EPB41L3: variants seen among roughly 807,000 people sequenced by gnomAD.
EPB41L3 encodes the protein erythrocyte membrane protein band 4.1 like 3.
EPB41L3 carries 57 observed loss-of-function variants against 127.1 expected under a neutral mutation model. The observed-to-expected ratio is 0.45, with a 90% confidence interval of 0.36 to 0.56. EPB41L3 has a LOEUF of 0.56. Ranked by LOEUF, EPB41L3 falls within the 20% of genes least tolerant of loss-of-function variation. EPB41L3 has a pLI of 0.00. For missense variants in EPB41L3, 1,273 were observed against 1,372.2 expected, an observed-to-expected ratio of 0.93 and a Z score of 1.14; for synonymous variants, 572 against 549.5, an observed-to-expected ratio of 1.04 and a Z score of -0.57.
At chr18:5,488,899 T>C in intron 2 of EPB41L3, 102 bp downstream of exon 2, 1 of 1,266,648 alleles carries the variant, frequency 7.9e-7, no homozygotes, top group Non-Finnish European at 1.1e-6. Context: ...GAACAGCAGA[T>C]GACCCCTCAT....
At chr18:5,421,436 T>G (rs2077462421) in intron 11 of EPB41L3, among the ~76,000 whole-genome samples, 1 of 152,188 alleles carries the variant, frequency 6.6e-6, no homozygotes, top group Non-Finnish European at 1.5e-5. Flanking sequence ...AATGTTAACA[T>G]CGATATTTCA....
chr18:5,502,338 T>TC (rs1480522406), intron 1 of EPB41L3, among the ~76,000 whole-genome samples: 1 of 152,026 alleles, frequency 6.6e-6, no homozygotes, highest in African/African-American at 2.4e-5. Context: ...GAAATGCAGT[T>TC]CATCTTTTAA....
intron 5 of EPB41L3, among the ~76,000 whole-genome samples, chr18:5,442,329 C>T (rs1243147678): frequency 1.3e-5 from 2 of 152,078 alleles, no homozygotes; most frequent in Non-Finnish European, 2.9e-5. Context: ...AATTTGTTAT[C>T]AAGTTTCTGG....
At chr18:5,509,557 C>T (rs1380292792) in intron 1 of EPB41L3, among the ~76,000 whole-genome samples, 1 of 152,110 alleles carries the variant, frequency 6.6e-6, no homozygotes, top group Non-Finnish European at 1.5e-5. Flanking sequence ...GTCAGCTAGC[C>T]CCAAACTGCA....
At chr18:5,577,549 C>T (rs552288739) in intron 3 of EPB41L3, 49 of 311,972 alleles carry the variant, frequency 1.6e-4, no homozygotes, top group Non-Finnish European at 2.6e-4. Context: ...AAAATCAAGC[C>T]GGGGCAGGAA....
chr18:5,549,445 T>C (rs1030653319), intron 3 of EPB41L3, among the ~76,000 whole-genome samples: 7 of 152,180 alleles, frequency 4.6e-5, no homozygotes, highest in African/African-American at 1.4e-4. Flanking sequence ...ATGCAAGATG[T>C]TTATTAGGGA....
chr18:5,591,056 A>T (rs866405174), intron 3 of EPB41L3, among the ~76,000 whole-genome samples: 2 of 152,236 alleles, frequency 1.3e-5, no homozygotes, highest in African/African-American at 4.8e-5. Flanking sequence ...ACTATATTTT[A>T]AAAATAAAAT....
At chr18:5,411,238 G>A (rs1021901950) in intron 13 of EPB41L3, among the ~76,000 whole-genome samples, 2 of 152,076 alleles carry the variant, frequency 1.3e-5, no homozygotes, top group Non-Finnish European at 2.9e-5. Context: ...TTCAAGTAGC[G>A]TCGCTAACTA....
At chr18:5,481,849 C>A (rs979587570) in intron 2 of EPB41L3, among the ~76,000 whole-genome samples, 2 of 152,152 alleles carry the variant, frequency 1.3e-5, no homozygotes, top group African/African-American at 4.8e-5. Flanking sequence ...GGCTTAAAGG[C>A]CACCTAGCGC....
At position 5,416,321 on chromosome 18, in the gene EPB41L3, G is replaced by T; in HGVS notation, c.1564C>A (p.Pro522Thr). ...CTACGGAGCTCTGTGGGAGATGTGG[G>T]GGCACAATGGGTGGATGGGGGTGAC... ...PLSPPSTHCAPTSPTELRRRC... is the reference protein window; with the variant it reads ...PLSPPSTHCATTSPTELRRRC... Residue 522 changes from proline (P) to threonine (T), a missense_variant, in exon 13 of 23, where the codon CCC (proline) becomes ACC (threonine). By Grantham distance (38) the Pro-to-Thr change is conservative (BLOSUM62 -1). Transcript: ENST00000341928. 1 of 1,614,020 alleles carries T rather than the reference G, an allele frequency of 6.2e-7. No individual in the cohort carries two copies.
chr18:5,497,225 G>A (rs980222161), intron 1 of EPB41L3, among the ~76,000 whole-genome samples: 1 of 152,186 alleles, frequency 6.6e-6, no homozygotes, highest in Admixed American at 6.6e-5. Context: ...TGGGTTTGCA[G>A]AGCTGGATTT....
chr18:5,478,676 G>A (rs1440459258), intron 2 of EPB41L3, among the ~76,000 whole-genome samples: 1 of 152,166 alleles, frequency 6.6e-6, no homozygotes, highest in East Asian at 1.9e-4. Context: ...TAGAACCACT[G>A]AGTTAGCAAA....
intron 3 of EPB41L3, among the ~76,000 whole-genome samples, chr18:5,604,816 TC>T (rs747619417): frequency 3.9e-5 from 6 of 152,070 alleles, no homozygotes; most frequent in Non-Finnish European, 8.8e-5. Flanking sequence ...CCTCTCCTTA[TC>T]CCCTAATTTC....
intron 8 of EPB41L3, among the ~76,000 whole-genome samples, chr18:5,431,687 T>C (rs1185427995): frequency 6.6e-6 from 1 of 152,194 alleles, no homozygotes; most frequent in African/African-American, 2.4e-5. Flanking sequence ...AGAATCAAAG[T>C]GTGTGATGTA....
Position 5,397,091 on chromosome 18 carries a change from A to G in EPB41L3, c.2808T>C (p.Ile936=). 1 of 1,605,120 alleles carries G rather than the reference A, an allele frequency of 6.2e-7. No homozygotes were observed. The highest frequency in any genetic ancestry group is 2.2e-5 in the East Asian group (1 of 44,846). ...GAGGTTTTTGTTCCAAAGTTTCTGA[A>G]ATGTGGATGGCTGCACTCTGCTCCT... is the stretch of plus-strand genomic sequence containing the variant. ...RQEEQSAAIH[I]SETLEQKPHF... is the part of the protein sequence containing the mutation. Residue 936 remains isoleucine, a synonymous_variant, in exon 18 of 23, where the codon ATT becomes ATC. Coordinates refer to ENST00000341928, the MANE Select transcript of EPB41L3 (RefSeq NM_012307.5). This position sits in a 1 kb window ranked among gnomAD's most constrained non-coding sequence, Gnocchi z 4.1.
intron 5 of EPB41L3, among the ~76,000 whole-genome samples, chr18:5,440,219 A>G (rs1482186539): frequency 1.3e-5 from 2 of 152,224 alleles, no homozygotes; most frequent in African/African-American, 2.4e-5. Flanking sequence ...CTTTGGAACC[A>G]CATTTTGAAA....
At chr18:5,503,014 T>A (rs2091871249) in intron 1 of EPB41L3, among the ~76,000 whole-genome samples, 1 of 152,192 alleles carries the variant, frequency 6.6e-6, no homozygotes, top group Non-Finnish European at 1.5e-5. Context: ...AGTCAAAATG[T>A]CAAAGAGTGA....
At chr18:5,520,746 C>G (rs1311679243) in intron 1 of EPB41L3, among the ~76,000 whole-genome samples, 1 of 152,168 alleles carries the variant, frequency 6.6e-6, no homozygotes, top group Non-Finnish European at 1.5e-5. Flanking sequence ...GACCTCAACT[C>G]CCACCCACAA....
At position 5,593,687 on chromosome 18, in the gene EPB41L3, A is replaced by G. The variant is rs151059431; in HGVS notation, c.-306+18653T>C. Among the ~76,000 whole-genome samples, 180 of 152,262 alleles carry G rather than the reference A, an allele frequency of 1.2e-3. 3 individuals carry two copies. The East Asian group carries it at 0.025, about 21-fold the overall frequency. On this transcript the variant is annotated intron_variant, in intron 3 of 21. Transcript: ENST00000545076. ...TCCTCGTCCTAATAAGCCTGGGAGC[A>G]CTATGGGAGACTGGGCCTTATTTCA...
Sources: allele counts gnomAD v4.1 joint callset (sites outside exome capture counted in the v4.1 genomes callset), GRCh38; gene constraint gnomAD v4.1.1; non-coding constraint Gnocchi (gnomAD v3.1); transcripts MANE v1.5; gene names NCBI Gene and HGNC (gene_info 2026-07-23, HGNC 2026-07-21).